The following KAT6A variants were observed in gnomAD, a reference collection of about 807,000 sequenced individuals.
The protein encoded by KAT6A is histone acetyltransferase KAT6A.
A neutral mutation model predicts 198.4 loss-of-function variants in KAT6A; 9 were observed. That is an observed-to-expected ratio of 0.05 (90% CI 0.03 to 0.08). KAT6A has a LOEUF of 0.08. Among genes scored for constraint, KAT6A ranks in the 10% least tolerant of loss-of-function variants. The probability of loss-of-function intolerance (pLI) is 1.00; values close to 1 mark genes in which losing one functional copy is unlikely to be tolerated. For synonymous variants in KAT6A, 890 were observed against 883.0 expected, an observed-to-expected ratio of 1.01 and a Z score of -0.14; for missense variants, 2,077 against 2,509.9, an observed-to-expected ratio of 0.83 and a Z score of 3.69.
intron 2 of KAT6A, among the ~76,000 whole-genome samples, chr8:41,998,770 G>T (rs1379434303): frequency 1.3e-5 from 2 of 151,712 alleles, no homozygotes; most frequent in East Asian, 3.9e-4. Flanking sequence ...ATACTATCAA[G>T]TACTCTATGG....
intron 16 of KAT6A, 78 bp from the exon 17 acceptor site, chr8:41,934,945 T>C (rs1309461786): frequency 4.5e-6 from 5 of 1,120,088 alleles, no homozygotes; most frequent in Middle Eastern, 2.0e-4. Context: ...GACTAGCATA[T>C]ACAATAGAAA....
intron 2 of KAT6A, among the ~76,000 whole-genome samples, chr8:42,019,272 A>G (rs1400218831): frequency 1.3e-5 from 2 of 152,072 alleles, no homozygotes; most frequent in East Asian, 1.9e-4. Flanking sequence ...TTTATATACA[A>G]CTCCAAGAAA....
chr8:41,953,444 C>T (rs1295034528), intron 9 of KAT6A, among the ~76,000 whole-genome samples: 1 of 152,144 alleles, frequency 6.6e-6, no homozygotes, highest in Non-Finnish European at 1.5e-5. Flanking sequence ...TTATTTTAAA[C>T]CTGATGAAAA....
chr8:41,991,151 T>G (rs187684446), intron 2 of KAT6A, among the ~76,000 whole-genome samples: 9 of 152,306 alleles, frequency 5.9e-5, no homozygotes, highest in African/African-American at 2.2e-4. Flanking sequence ...CTCCTAGCTA[T>G]ATACACAATT....
chr8:41,943,704 A>C, intron 13 of KAT6A, 44 bp downstream of exon 13: 1 of 1,433,596 alleles, frequency 7.0e-7, no homozygotes, highest in South Asian at 1.2e-5. Flanking sequence ...AAAAACTTCA[A>C]CCTAATTATC....
chr8:41,955,072 G>A (rs1373422294), intron 9 of KAT6A, among the ~76,000 whole-genome samples: 1 of 151,934 alleles, frequency 6.6e-6, no homozygotes, highest in Non-Finnish European at 1.5e-5. Flanking sequence ...CATGCATTCG[G>A]GTTTCTCATT....
intron 2 of KAT6A, among the ~76,000 whole-genome samples, chr8:41,990,023 A>G (rs1305036720): frequency 6.6e-6 from 1 of 152,130 alleles, no homozygotes; most frequent in Non-Finnish European, 1.5e-5. Context: ...AAGTCAGGAA[A>G]GACTTTATCC....
In KAT6A at chr8:41,932,589, A is replaced by G; in HGVS notation, c.5631T>C (p.Arg1877=). ...AAAHQQQLYG[R]SPSAVAMQAG... is the part of the protein sequence containing the mutation. The stretch of plus-strand genomic sequence containing the variant: ...CCTGCATGGCAACTGCCGATGGGCT[A>G]CGGCCATACAGCTGCTGCTGGTGAG... The change falls in exon 17 of 17, where the codon CGT becomes CGC. Residue 1877 remains arginine (R), a synonymous_variant. Coordinates refer to ENST00000265713, the MANE Select transcript of KAT6A (RefSeq NM_006766.5). 6.2e-7 allele frequency: 1 copy of G among 1,614,198 alleles called. No individual in the cohort carries two copies. Among genetic ancestry groups the G allele is most frequent in the Non-Finnish European group, 8.5e-7 (1 of 1,180,002 alleles).
intron 3 of KAT6A, among the ~76,000 whole-genome samples, chr8:41,984,886 G>C (rs1824529209): frequency 1.3e-5 from 2 of 151,820 alleles, no homozygotes; most frequent in Admixed American, 1.3e-4. Flanking sequence ...CGGAGGCTGA[G>C]GCAGGAGAAT....
At chr8:42,000,823 C>T (rs574661079) in intron 2 of KAT6A, among the ~76,000 whole-genome samples, 19 of 152,218 alleles carry the variant, frequency 1.2e-4, no homozygotes, top group Non-Finnish European at 1.8e-4. Context: ...AATCATTATA[C>T]GCTCCTCAGT....
At chr8:42,042,761 C>T (rs151091238) in intron 2 of KAT6A, among the ~76,000 whole-genome samples, 47 of 152,270 alleles carry the variant, frequency 3.1e-4, no homozygotes, top group African/African-American at 1.1e-3. Flanking sequence ...AATACTATGC[C>T]ACCAAATAAC....
At chr8:41,954,738 A>C (rs1822844056) in intron 9 of KAT6A, among the ~76,000 whole-genome samples, 1 of 152,214 alleles carries the variant, frequency 6.6e-6, no homozygotes, top group South Asian at 2.1e-4. Context: ...TTTTAAGGTT[A>C]CACAACTTAC....
intron 2 of KAT6A, among the ~76,000 whole-genome samples, chr8:42,004,406 C>T (rs1825641234): frequency 6.6e-6 from 1 of 152,046 alleles, no homozygotes; most frequent in Non-Finnish European, 1.5e-5. Context: ...TTTTTTTAGA[C>T]ATGGATTCAA....
intron 1 of KAT6A, among the ~76,000 whole-genome samples, 178 bp downstream of exon 1, chr8:42,051,723 G>A (rs1417347448): frequency 6.9e-6 from 1 of 145,460 alleles, no homozygotes; most frequent in Non-Finnish European, 1.5e-5. Flanking sequence ...GCGGGCGCGA[G>A]GGGGCGGCCA....
intron 5 of KAT6A, 144 bp from the exon 6 acceptor site, chr8:41,978,921 A>G: frequency 1.4e-6 from 1 of 690,444 alleles, no homozygotes; most frequent in Non-Finnish European, 2.4e-6. Context: ...CCAATCCAAA[A>G]TAAACATTAA....
intron 2 of KAT6A, among the ~76,000 whole-genome samples, chr8:41,994,910 G>A (rs1360262257): frequency 2.6e-5 from 4 of 151,982 alleles, no homozygotes; most frequent in Admixed American, 2.0e-4. Flanking sequence ...ACAAAAATTA[G>A]CCAGGCATGG....
chr8:41,941,332 A>C lies in KAT6A; in HGVS notation c.2549T>G (p.Val850Gly). The C allele has an allele frequency of 6.2e-7, 1 of 1,613,430 alleles. No individual in the cohort carries two copies. The highest frequency in any genetic ancestry group is 1.6e-4 in the Middle Eastern group (1 of 6,062). Residue 850 changes from valine (V) to glycine (G), a missense_variant, in exon 15 of 17, where the codon GTC (valine) becomes GGC (glycine). By Grantham distance (109) the Val-to-Gly change is moderately radical. Around this residue, in one of 13 missense-constraint regions of KAT6A, gnomAD observed 301 missense variants for 272.2 expected, o/e 1.11. Transcript: ENST00000265713. ...TGCAGGAAGACTATCATGAGGAAGG[A>C]CTTGTTTGCTCAAACGTGTAGAACT... is the stretch of plus-strand genomic sequence containing the variant. ...PVSSTRLSKQVLPHDSLPANS... is the reference protein window; with the variant it reads ...PVSSTRLSKQGLPHDSLPANS...
chr8:42,019,701 G>A (rs550102126), intron 2 of KAT6A, among the ~76,000 whole-genome samples: 1 of 152,168 alleles, frequency 6.6e-6, no homozygotes, highest in South Asian at 2.1e-4. Context: ...GTCCTCTTCT[G>A]GTCTGGGGAT....
At chr8:41,955,034 T>TA (rs1822856833) in intron 9 of KAT6A, among the ~76,000 whole-genome samples, 1 of 149,192 alleles carries the variant, frequency 6.7e-6, no homozygotes, top group Non-Finnish European at 1.5e-5. Context: ...AAAAAAAAAA[T>TA]AAAAAAGCAT....
Sources: gnomAD v4.1 joint callset for allele counts (sites outside exome capture counted in the v4.1 genomes callset) on GRCh38, gnomAD v4.1.1 for gene constraint, gnomAD v4.1.1 regional missense constraint, MANE v1.5 for transcripts, NCBI Gene and HGNC (gene_info 2026-07-23, HGNC 2026-07-21) for gene names.